The following NTRK3 variants were observed in gnomAD, a reference collection of about 807,000 sequenced individuals.
The protein encoded by NTRK3 is NT-3 growth factor receptor.
In NTRK3, 24 loss-of-function variants were observed where a neutral mutation model predicts 91.7. The observed-to-expected ratio is 0.26, with a 90% CI of 0.19 to 0.37. The LOEUF is 0.37. NTRK3 is among the 10% of genes least tolerant of loss of function. NTRK3 has a pLI of 1.00. For synonymous variants in NTRK3, 483 were observed against 404.0 expected, an observed-to-expected ratio of 1.20 and a Z score of -2.34; for missense variants, 880 against 1,068.9, an observed-to-expected ratio of 0.82 and a Z score of 2.46.
intron 17 of NTRK3, among the ~76,000 whole-genome samples, chr15:87,892,414 T>C (rs8043522): frequency 0.052 from 7,966 of 152,236 alleles, 724 homozygotes; most frequent in African/African-American, 0.18. Context: ...GTTCAAAGAA[T>C]TGAGTTACAT....
intron 14 of NTRK3, among the ~76,000 whole-genome samples, chr15:87,982,383 G>C (rs1297326651): frequency 6.6e-6 from 1 of 152,168 alleles, no homozygotes; most frequent in Non-Finnish European, 1.5e-5. Context: ...GTGAAGAAAA[G>C]GCTGAAGAGG....
rs1596038771 is a variant in NTRK3 at position 87,871,727 on chromosome 15, T to C, written c.*5208A>G. ...TTCTTATCCCCAAGAACGGTAAGGCTAAAAGAGAATCCCAAATTGAAATCA... is the reference window on the plus strand; with the variant it reads ...TTCTTATCCCCAAGAACGGTAAGGCCAAAAGAGAATCCCAAATTGAAATCA... On this transcript the variant is annotated 3_prime_UTR_variant, in exon 19 of 19. Coordinates refer to ENST00000394480, the Ensembl canonical transcript of NTRK3. The C allele has an allele frequency of 3.1e-5, 7 of 226,342 alleles. No individual in the cohort carries two copies. In the East Asian group the frequency reaches 3.8e-4, roughly 12 times the overall value. The allele number at this position is 226,342 out of a possible 1,614,324, so 14.0% of individuals were successfully genotyped here.
intron 14 of NTRK3, among the ~76,000 whole-genome samples, chr15:87,960,782 G>A (rs1378887374): frequency 6.6e-6 from 1 of 152,026 alleles, no homozygotes; most frequent in Middle Eastern, 3.2e-3. Flanking sequence ...ACTATGCCTG[G>A]CCTCCCCCAT....
intron 17 of NTRK3, chr15:87,928,924 G>C (rs562079458): frequency 5.0e-6 from 3 of 595,520 alleles, no homozygotes; most frequent in East Asian, 5.6e-5. Flanking sequence ...ATTGAAGCAC[G>C]TAAGAACACA....
At chr15:88,227,722 C>G (rs2050798966) in intron 3 of NTRK3, among the ~76,000 whole-genome samples, 1 of 152,060 alleles carries the variant, frequency 6.6e-6, no homozygotes. Context: ...ACCTGGTAAC[C>G]AAACCCTCAG....
chr15:88,242,990 A>C (rs2052506058), intron 3 of NTRK3, among the ~76,000 whole-genome samples: 2 of 152,198 alleles, frequency 1.3e-5, no homozygotes, highest in Admixed American at 1.3e-4. Context: ...AGAAGTCCCC[A>C]TAGGCCATAG....
At chr15:87,984,622 G>A (rs561508516) in intron 14 of NTRK3, among the ~76,000 whole-genome samples, 118 of 152,322 alleles carry the variant, frequency 7.7e-4, no homozygotes, top group South Asian at 3.7e-3. Flanking sequence ...CCCACAGGCC[G>A]TATATGGCCT....
intron 5 of NTRK3, among the ~76,000 whole-genome samples, chr15:88,148,262 G>A (rs976586059): frequency 6.6e-6 from 1 of 152,116 alleles, no homozygotes; most frequent in African/African-American, 2.4e-5. Context: ...GCTTACACAC[G>A]CACCTATATT....
chr15:88,130,390 A>C (rs1338636193), intron 10 of NTRK3, among the ~76,000 whole-genome samples: 2 of 152,222 alleles, frequency 1.3e-5, no homozygotes, highest in Non-Finnish European at 2.9e-5. Context: ...AAGAATCATC[A>C]ATGAATGTTA....
At chr15:88,183,397 C>A in intron 5 of NTRK3, 21 bp downstream of exon 5, 1 of 1,613,592 alleles carries the variant, frequency 6.2e-7, no homozygotes, top group Non-Finnish European at 8.5e-7. Flanking sequence ...CCCCCAATCC[C>A]TGCAGCCCAG....
At chr15:87,975,571 C>A (rs531411708) in intron 14 of NTRK3, among the ~76,000 whole-genome samples, 2 of 152,340 alleles carry the variant, frequency 1.3e-5, no homozygotes, top group East Asian at 3.9e-4. Flanking sequence ...AAACTGGCAT[C>A]TTTCTGGGCT....
intron 14 of NTRK3, among the ~76,000 whole-genome samples, chr15:88,000,097 CA>C (rs2075993557): frequency 6.6e-6 from 1 of 152,204 alleles, no homozygotes; most frequent in Non-Finnish European, 1.5e-5. Flanking sequence ...GGTGTATATA[CA>C]CTTTCTGTTG....
chr15:87,897,848 A>C (rs1013864729), intron 17 of NTRK3, among the ~76,000 whole-genome samples: 1 of 152,232 alleles, frequency 6.6e-6, no homozygotes, highest in Non-Finnish European at 1.5e-5. Context: ...CTGTGTATAC[A>C]GGATAAGGAA....
chr15:88,139,853 A>G (rs1244224688), intron 6 of NTRK3, among the ~76,000 whole-genome samples: 1 of 145,304 alleles, frequency 6.9e-6, no homozygotes, highest in African/African-American at 2.5e-5. Context: ...TGCAAGAGAG[A>G]AGCAGAGAGG....
chr15:88,154,416 C>T (rs949033835), intron 5 of NTRK3, among the ~76,000 whole-genome samples: 3 of 152,248 alleles, frequency 2.0e-5, no homozygotes, highest in African/African-American at 7.2e-5. Context: ...ATGCCTATGA[C>T]AAGGAAGCAA....
intron 5 of NTRK3, 39 bp from the exon 6 acceptor site, chr15:88,147,442 T>C (rs2151314692): frequency 6.4e-7 from 1 of 1,565,880 alleles, no homozygotes; most frequent in Non-Finnish European, 8.8e-7. Flanking sequence ...TTAAAACAAG[T>C]CTGGCACAAA....
chr15:88,058,551 A>T (rs370925570), intron 13 of NTRK3, among the ~76,000 whole-genome samples: 83 of 152,080 alleles, frequency 5.5e-4, no homozygotes, highest in African/African-American at 1.8e-3. Flanking sequence ...GGCATTTTTT[A>T]ACTTCTTTTC....
chr15:88,232,895 C>A (rs1252179492), intron 3 of NTRK3, among the ~76,000 whole-genome samples: 1 of 152,184 alleles, frequency 6.6e-6, no homozygotes, highest in Non-Finnish European at 1.5e-5. Context: ...ACCCAGGAAC[C>A]CATCCCCCAG....
At chr15:87,859,751 T>C (rs1022035752) in exon 19 of NTRK3, 16 of 171,160 alleles carry the variant, frequency 9.3e-5, no homozygotes, top group Non-Finnish European at 1.5e-4. Flanking sequence ...AACAAGGACA[T>C]TGTTGTTTTA....
Sources: allele counts gnomAD v4.1 joint callset (sites outside exome capture counted in the v4.1 genomes callset), GRCh38; gene constraint gnomAD v4.1.1; transcripts MANE v1.5; gene names NCBI Gene and HGNC (gene_info 2026-07-23, HGNC 2026-07-21).